Variants in PLPPR1 observed in about 807,000 individuals in gnomAD.
The protein encoded by PLPPR1 is phospholipid phosphatase related 1.
Under a neutral mutation model 33.1 loss-of-function variants are expected in PLPPR1, and 10 were observed. The ratio of observed to expected loss-of-function variants is 0.30; its 90% CI spans 0.19 to 0.51. The LOEUF (loss-of-function observed/expected upper bound fraction) is 0.51. Ranked by LOEUF, PLPPR1 falls within the 20% of genes least tolerant of loss-of-function variation. The pLI is 0.97. For synonymous variants in PLPPR1, 151 were observed against 151.0 expected (o/e 1.00, Z 0.00); for missense variants, 304 against 408.1 (o/e 0.74, Z 2.20).
At position 101,317,503 on chromosome 9, in the gene PLPPR1, T is replaced by C; in HGVS notation, c.945+7T>C. On this transcript the variant is annotated splice_region_variant and intron_variant, in intron 7 of 7. Coordinates refer to ENST00000374874, the MANE Select transcript of PLPPR1 (RefSeq NM_207299.2). ...GGAAACCTTAAGTGCACAGGTATGGTAAAGCAGTTTTAGCAAACCAAACCC... is the reference window on the plus strand; with the variant it reads ...GGAAACCTTAAGTGCACAGGTATGGCAAAGCAGTTTTAGCAAACCAAACCC... The C allele has an allele frequency of 1.9e-6, 3 of 1,611,090 alleles. No homozygotes were observed. The highest frequency in any genetic ancestry group is 2.5e-6 in the Non-Finnish European group (3 of 1,179,090).
intron 2 of PLPPR1, among the ~76,000 whole-genome samples, chr9:101,267,890 T>G (rs1269988974): frequency 1.3e-5 from 2 of 152,344 alleles, no homozygotes; most frequent in Non-Finnish European, 2.9e-5. Context: ...TGTCTGGTTT[T>G]GTTTTGTTTT....
At chr9:101,258,027 G>T (rs2118875630) in intron 2 of PLPPR1, among the ~76,000 whole-genome samples, 1 of 152,258 alleles carries the variant, frequency 6.6e-6, no homozygotes, top group Non-Finnish European at 1.5e-5. Context: ...ACAAGGGAAA[G>T]GCTAAAAGCC....
At chr9:101,123,100 G>A (rs1831196548) in intron 1 of PLPPR1, among the ~76,000 whole-genome samples, 1 of 152,130 alleles carries the variant, frequency 6.6e-6, no homozygotes, top group South Asian at 2.1e-4. Flanking sequence ...CTCCCTATAA[G>A]CCATATCAAT....
chr9:101,316,708 A>G (rs116771665), intron 6 of PLPPR1, among the ~76,000 whole-genome samples: 3,953 of 152,006 alleles, frequency 0.026, 188 homozygotes, highest in African/African-American at 0.091. Flanking sequence ...TTACAGGGAA[A>G]GTTTTAAATG....
chr9:101,242,206 G>C (rs1279057549), intron 2 of PLPPR1, among the ~76,000 whole-genome samples: 1 of 151,538 alleles, frequency 6.6e-6, no homozygotes, highest in Non-Finnish European at 1.5e-5. Context: ...TTCAAGAAGA[G>C]ACATTCCAAG....
intron 6 of PLPPR1, among the ~76,000 whole-genome samples, chr9:101,316,287 A>C (rs1829048471): frequency 6.6e-6 from 1 of 152,068 alleles, no homozygotes; most frequent in East Asian, 1.9e-4. Context: ...AATACAAAAA[A>C]GTAGCCAGGC....
At chr9:101,185,699 A>G in intron 2 of PLPPR1, 142 bp downstream of exon 2, 1 of 578,288 alleles carries the variant, frequency 1.7e-6, no homozygotes, top group East Asian at 3.0e-5. Flanking sequence ...AGATTAATAA[A>G]CTATGCAAAG....
At chr9:101,183,071 A>G (rs1422819323) in intron 1 of PLPPR1, among the ~76,000 whole-genome samples, 1 of 151,818 alleles carries the variant, frequency 6.6e-6, no homozygotes, top group Non-Finnish European at 1.5e-5. Flanking sequence ...GCTACTTTGG[A>G]AAACGTTTTA....
intron 2 of PLPPR1, among the ~76,000 whole-genome samples, chr9:101,257,826 AT>A (rs146118756): frequency 7.9e-5 from 12 of 151,152 alleles, no homozygotes; most frequent in African/African-American, 2.7e-4. Flanking sequence ...CTAAAATCCT[AT>A]TTTTTTTTAG....
intron 1 of PLPPR1, among the ~76,000 whole-genome samples, chr9:101,158,916 C>T (rs1831736419): frequency 6.6e-6 from 1 of 152,156 alleles, no homozygotes; most frequent in Non-Finnish European, 1.5e-5. Context: ...GGACTGGCTT[C>T]AGCTGAGTGA....
chr9:101,124,730 G>T (rs901896613), intron 1 of PLPPR1, among the ~76,000 whole-genome samples: 1 of 152,006 alleles, frequency 6.6e-6, no homozygotes, highest in Non-Finnish European at 1.5e-5. Flanking sequence ...CAGATGTTTC[G>T]TGGGCACCCA....
At chr9:101,207,972 A>G (rs1229654249) in intron 2 of PLPPR1, among the ~76,000 whole-genome samples, 1 of 152,160 alleles carries the variant, frequency 6.6e-6, no homozygotes, top group Non-Finnish European at 1.5e-5. Context: ...TTATCAGGAA[A>G]TCCAAATTCT....
Position 101,130,424 on chromosome 9 carries a change from T to C in PLPPR1, c.-45-55026T>C, listed in dbSNP as rs142822026. Reference sequence around the variant, plus strand: ...ATCCCTACACCTGTTTTCTCTTCCATAAAATGGAGCTAATTATATGCCAAC... The same window carrying C: ...ATCCCTACACCTGTTTTCTCTTCCACAAAATGGAGCTAATTATATGCCAAC... On this transcript the variant is annotated intron_variant, in intron 1 of 7. Transcript: ENST00000374874. Among the ~76,000 whole-genome samples the C allele has an allele frequency of 5.1e-3, 775 of 152,278 alleles. 8 individuals are homozygous for C. The highest frequency in any genetic ancestry group is 9.1e-3 in the Non-Finnish European group (620 of 68,008).
At chr9:101,313,225 AC>A (rs939528565) in intron 6 of PLPPR1, among the ~76,000 whole-genome samples, 2 of 152,150 alleles carry the variant, frequency 1.3e-5, no homozygotes, top group African/African-American at 4.8e-5. Flanking sequence ...AGCTGGCTCT[AC>A]CCCTTTCAAC....
chr9:101,287,067 A>C (rs963969324), intron 4 of PLPPR1, among the ~76,000 whole-genome samples: 1 of 152,226 alleles, frequency 6.6e-6, no homozygotes, highest in African/African-American at 2.4e-5. Context: ...GTAGGAAATG[A>C]TTGAATTTCT....
At chr9:101,242,373 G>A (rs1190559617) in intron 2 of PLPPR1, among the ~76,000 whole-genome samples, 2 of 151,648 alleles carry the variant, frequency 1.3e-5, no homozygotes, top group Non-Finnish European at 2.9e-5. Context: ...AAGCAGCAAA[G>A]AACAAATTCT....
At chr9:101,229,496 T>C (rs1357018299) in intron 2 of PLPPR1, among the ~76,000 whole-genome samples, 1 of 152,116 alleles carries the variant, frequency 6.6e-6, no homozygotes, top group Non-Finnish European at 1.5e-5. Context: ...AGGAATCCAT[T>C]TCTAATAATT....
Position 101,124,796 on chromosome 9 carries a change from G to C in PLPPR1, c.-45-60654G>C, listed in dbSNP as rs373686668. Among the ~76,000 whole-genome samples the C allele has an allele frequency of 1.7e-4, 26 of 152,208 alleles. No homozygotes were observed. In the East Asian group the frequency reaches 2.3e-3, roughly 14 times the overall value. ...TCAAGTAAATCCTCTTCCCCATATAGTTATCTTTCCTTTTTCCCAGCTCTT... is the reference window on the plus strand; with the variant it reads ...TCAAGTAAATCCTCTTCCCCATATACTTATCTTTCCTTTTTCCCAGCTCTT... On this transcript the variant is annotated intron_variant, in intron 1 of 7. Transcript: ENST00000374874.
chr9:101,158,501 T>G (rs1462719514), intron 1 of PLPPR1, among the ~76,000 whole-genome samples: 2 of 152,046 alleles, frequency 1.3e-5, no homozygotes, highest in Non-Finnish European at 2.9e-5. Context: ...CGAGGAAATA[T>G]CAGTAGTGGA....
Sources: allele counts gnomAD v4.1 joint callset (sites outside exome capture counted in the v4.1 genomes callset), GRCh38; gene constraint gnomAD v4.1.1; transcripts MANE v1.5; gene names NCBI Gene and HGNC (gene_info 2026-07-23, HGNC 2026-07-21).